Variants in ATG10 observed in about 807,000 individuals in gnomAD.
The protein encoded by ATG10 is ubiquitin-like-conjugating enzyme ATG10.
ATG10 carries 30 observed loss-of-function variants against 32.1 expected under a neutral mutation model. The ratio of observed to expected loss-of-function variants is 0.94; its 90% CI spans 0.70 to 1.27. ATG10 has a LOEUF of 1.27. Ranked by LOEUF, ATG10 falls within the 50% of genes most tolerant of loss-of-function variation. The probability of loss-of-function intolerance (pLI) is 0.00; values close to 1 mark genes in which losing one functional copy is unlikely to be tolerated. For missense variants in ATG10, 233 were observed against 262.3 expected (o/e 0.89, Z 0.77); for synonymous variants, 87 against 91.5 (o/e 0.95, Z 0.28).
At chr5:81,974,149 A>G (rs569182046) in intron 1 of ATG10, among the ~76,000 whole-genome samples, 18 of 152,322 alleles carry the variant, frequency 1.2e-4, no homozygotes, top group East Asian at 9.7e-4. Context: ...TTTGAAACCT[A>G]GAGATGTGTT....
At chr5:82,117,823 G>A (rs1765870086) in intron 3 of ATG10, among the ~76,000 whole-genome samples, 1 of 152,132 alleles carries the variant, frequency 6.6e-6, no homozygotes, top group Non-Finnish European at 1.5e-5. Flanking sequence ...GAAAAGTCAA[G>A]TGATGGCTGG....
intron 2 of ATG10, among the ~76,000 whole-genome samples, chr5:81,999,025 A>C (rs1177655916): frequency 6.6e-6 from 1 of 152,164 alleles, no homozygotes; most frequent in South Asian, 2.1e-4. Context: ...CACTTGACAA[A>C]GCAGACCAAA....
chr5:82,027,599 T>G (rs1762632635), intron 2 of ATG10, among the ~76,000 whole-genome samples: 1 of 152,204 alleles, frequency 6.6e-6, no homozygotes, highest in Admixed American at 6.5e-5. Flanking sequence ...ATAGATTTTA[T>G]GTAGTTGAAA....
intron 3 of ATG10, among the ~76,000 whole-genome samples, chr5:82,070,806 A>G (rs550098796): frequency 5.3e-5 from 8 of 152,204 alleles, no homozygotes; most frequent in South Asian, 4.1e-4. Context: ...TAAGTAATCT[A>G]TAGTACCTGG....
At position 81,987,649 on chromosome 5, in the gene ATG10, G is replaced by T. The variant is rs765413260; in HGVS notation, c.79G>T (p.Gly27Cys). Residue 27 changes from glycine (G) to cysteine (C), a missense_variant, in exon 2 of 8, where the codon GGT (glycine) becomes TGT (cysteine). Coordinates refer to ENST00000282185, the MANE Select transcript of ATG10 (RefSeq NM_031482.5). ...AEFIKHSQQI[G>C]DSWEWRPSKD... is the part of the protein sequence containing the mutation. ...ATTCATTAAACATTCACAACAGATA[G>T]GTGATAGTTGGGAATGGAGACCATC... The T allele has an allele frequency of 1.2e-5, 19 of 1,611,322 alleles. No homozygotes were observed. The Admixed American group carries it at 2.0e-4, about 17-fold the overall frequency.
intron 3 of ATG10, among the ~76,000 whole-genome samples, chr5:82,139,750 C>A (rs1213387312): frequency 0.014 from 1,584 of 112,182 alleles, 91 homozygotes; most frequent in Admixed American, 0.11. Context: ...CCGCCCCGTC[C>A]GGGAGGCGAG....
At chr5:82,083,343 T>A (rs1305580261) in intron 3 of ATG10, among the ~76,000 whole-genome samples, 1 of 152,206 alleles carries the variant, frequency 6.6e-6, no homozygotes, top group South Asian at 2.1e-4. Context: ...AAGCTCGAAC[T>A]GGGTGGAGCC....
intron 3 of ATG10, among the ~76,000 whole-genome samples, chr5:82,152,608 C>A (rs1335840580): frequency 6.6e-6 from 1 of 152,146 alleles, no homozygotes; most frequent in East Asian, 1.9e-4. Context: ...CCTTTTGGTG[C>A]CTGAGCAAAG....
chr5:82,061,568 G>A (rs1581648604), intron 3 of ATG10, among the ~76,000 whole-genome samples: 1 of 151,554 alleles, frequency 6.6e-6, no homozygotes, highest in East Asian at 1.9e-4. Flanking sequence ...ATTACCCATA[G>A]AACTAGCTCA....
At chr5:82,217,673 A>G (rs1325690377) in intron 5 of ATG10, among the ~76,000 whole-genome samples, 1 of 151,966 alleles carries the variant, frequency 6.6e-6, no homozygotes, top group Admixed American at 6.6e-5. Context: ...GCATTGTCTC[A>G]TTTAATTCTC....
intron 2 of ATG10, among the ~76,000 whole-genome samples, chr5:82,052,184 T>G (rs7736430): frequency 6.6e-6 from 1 of 152,146 alleles, no homozygotes; most frequent in African/African-American, 2.4e-5. Flanking sequence ...AAGTAGAGCT[T>G]AGACCCTTAG....
intron 3 of ATG10, among the ~76,000 whole-genome samples, chr5:82,069,983 G>A (rs549171134): frequency 3.9e-4 from 59 of 152,294 alleles, no homozygotes; most frequent in African/African-American, 1.1e-3. Flanking sequence ...TGGTGCCTGC[G>A]AATTTGCTGT....
At chr5:82,217,182 G>A (rs932680849) in intron 5 of ATG10, among the ~76,000 whole-genome samples, 8 of 152,140 alleles carry the variant, frequency 5.3e-5, no homozygotes, top group Admixed American at 2.0e-4. Flanking sequence ...GGAAGATCAT[G>A]AGTTTTGCAA....
intron 4 of ATG10, among the ~76,000 whole-genome samples, chr5:82,178,201 G>T (rs1007482549): frequency 6.6e-6 from 1 of 152,074 alleles, no homozygotes; most frequent in Non-Finnish European, 1.5e-5. Context: ...GCATCTGTCA[G>T]TTCTCTCTAA....
At position 82,039,135 on chromosome 5, in the gene ATG10, C is replaced by T. The variant is rs564102058; in HGVS notation, c.109-19360C>T. Among the ~76,000 whole-genome samples, 711 of 152,274 alleles carry T rather than the reference C, an allele frequency of 4.7e-3. 3 individuals carry two copies. The highest frequency in any genetic ancestry group is 7.2e-3 in the Non-Finnish European group (490 of 68,018). On this transcript the variant is annotated intron_variant, in intron 2 of 7. Transcript: ENST00000282185. ...TGCTAGGATTACAGGCATGAGCCACCGTGCCTGGCCCCCTTTTAGTTCCCA... is the reference window on the plus strand; with the variant it reads ...TGCTAGGATTACAGGCATGAGCCACTGTGCCTGGCCCCCTTTTAGTTCCCA...
chr5:82,078,041 A>G (rs1206672623), intron 3 of ATG10, among the ~76,000 whole-genome samples: 1 of 152,152 alleles, frequency 6.6e-6, no homozygotes, highest in East Asian at 1.9e-4. Flanking sequence ...TAAGTGTAAT[A>G]TGGTCATTTT....
intron 3 of ATG10, among the ~76,000 whole-genome samples, chr5:82,064,027 C>T (rs948085104): frequency 6.6e-6 from 1 of 152,078 alleles, no homozygotes; most frequent in African/African-American, 2.4e-5. Flanking sequence ...TGATTGTGCT[C>T]ATGATAGATG....
chr5:82,252,676 A>G lies in ATG10; in HGVS notation c.551+17A>G. On this transcript the variant is annotated intron_variant, in intron 6 of 7. Coordinates refer to ENST00000282185, the MANE Select transcript of ATG10 (RefSeq NM_031482.5). ...AATCAATAAGTAAGAAACACCATCA[A>G]GATACATTGGCTTCTACTCTGATTT... 7.0e-7 allele frequency: 1 copy of G among 1,429,014 alleles called. No homozygotes were observed. The highest frequency in any genetic ancestry group is 9.7e-7 in the Non-Finnish European group (1 of 1,026,906). The allele number at this position is 1,429,014 out of a possible 1,614,324, so 88.5% of individuals were successfully genotyped here.
intron 3 of ATG10, among the ~76,000 whole-genome samples, chr5:82,096,267 A>C (rs1765060783): frequency 6.6e-6 from 1 of 152,184 alleles, no homozygotes; most frequent in Non-Finnish European, 1.5e-5. Flanking sequence ...TTGTCAGATG[A>C]TTTGGGTTTA....
Sources: gnomAD v4.1 joint callset for allele counts (sites outside exome capture counted in the v4.1 genomes callset) on GRCh38, gnomAD v4.1.1 for gene constraint, MANE v1.5 for transcripts, NCBI Gene and HGNC (gene_info 2026-07-23, HGNC 2026-07-21) for gene names.